GSK3B: variants seen among roughly 807,000 people sequenced by gnomAD.
GSK3B encodes the protein glycogen synthase kinase 3 beta.
A neutral mutation model predicts 56.4 loss-of-function variants in GSK3B; 15 were observed. That is an observed-to-expected ratio of 0.27 (90% CI 0.18 to 0.41). The LOEUF (loss-of-function observed/expected upper bound fraction) is 0.41. GSK3B is among the 10% of genes least tolerant of loss of function. The pLI, the probability that GSK3B is intolerant of heterozygous loss-of-function variation, is 1.00. For missense variants in GSK3B, 300 were observed against 513.4 expected (o/e 0.58, Z 4.02); for synonymous variants, 181 against 188.9 (o/e 0.96, Z 0.34).
intron 1 of GSK3B, among the ~76,000 whole-genome samples, chr3:120,040,278 G>C (rs547484361): frequency 6.6e-6 from 1 of 152,208 alleles, no homozygotes; most frequent in African/African-American, 2.4e-5. Flanking sequence ...CGGCAGTTCC[G>C]TGGTCACCTC....
intron 3 of GSK3B, among the ~76,000 whole-genome samples, chr3:119,933,838 C>G (rs1442577026): frequency 6.6e-6 from 1 of 152,186 alleles, no homozygotes; most frequent in Non-Finnish European, 1.5e-5. Flanking sequence ...GATCAAGCCA[C>G]TGCACTCCAG....
intron 1 of GSK3B, among the ~76,000 whole-genome samples, chr3:120,021,872 G>A (rs1342817202): frequency 2.0e-5 from 3 of 152,138 alleles, no homozygotes. Flanking sequence ...GGTTTGAGAG[G>A]ACTGATTCCA....
chr3:119,840,203 A>G (rs552482815), intron 10 of GSK3B, among the ~76,000 whole-genome samples: 24 of 149,788 alleles, frequency 1.6e-4, no homozygotes, highest in African/African-American at 5.1e-4. Flanking sequence ...CTTTTTAAAA[A>G]AAACATGTCT....
At chr3:119,894,900 G>A (rs1327328860) in intron 7 of GSK3B, among the ~76,000 whole-genome samples, 1 of 152,008 alleles carries the variant, frequency 6.6e-6, no homozygotes, top group East Asian at 1.9e-4. Flanking sequence ...GATTCATTCT[G>A]AATTCATTTG....
At chr3:120,057,485 C>T (rs1265673878) in intron 1 of GSK3B, among the ~76,000 whole-genome samples, 2 of 152,056 alleles carry the variant, frequency 1.3e-5, no homozygotes, top group Non-Finnish European at 2.9e-5. Context: ...AAAAGTAAAA[C>T]TGGAAATAAT....
In GSK3B at chr3:119,824,367, A is replaced by G. The variant is rs1467129226; in HGVS notation, c.*2421T>C. ...CACACACACACGCACACATGCACAC[A>G]CAATGAAATGAGAGAAAAGCGTGAC... On this transcript the variant is annotated 3_prime_UTR_variant, in exon 11 of 11. Transcript: ENST00000264235. The G allele has an allele frequency of 9.0e-6, 2 of 223,128 alleles. No homozygotes were observed. The highest frequency in any genetic ancestry group is 1.8e-5 in the Non-Finnish European group (2 of 111,630). The allele number at this position is 223,128 out of a possible 1,614,324, so 13.8% of individuals were successfully genotyped here.
rs35889690 is a variant in GSK3B, at chr3:119,827,869, C to CAA, written c.1196-1016_1196-1015dup. Among the ~76,000 whole-genome samples, 216 of 141,770 alleles carry CAA rather than the reference C, an allele frequency of 1.5e-3. 2 individuals are homozygous for CAA. Among genetic ancestry groups the CAA allele is most frequent in the African/African-American group, 3.9e-3 (155 of 39,806 alleles). 93.0% of individuals were successfully genotyped at this position (141,770 alleles called of 152,430 possible). A position where few individuals can be genotyped will look rare whatever the true frequency, so the allele number is the denominator to read the frequency against. On this transcript the variant is annotated intron_variant, in intron 10 of 10. Transcript: ENST00000264235. ...GGGAAGTGGGGATGGTTAATGGGTACAAAAAAAAAAATGTATAAGACCTAG... is the reference window on the plus strand; with the variant it reads ...GGGAAGTGGGGATGGTTAATGGGTACAAAAAAAAAAAAATGTATAAGACCTAG...
chr3:120,063,031 C>T (rs1017455850), intron 1 of GSK3B, among the ~76,000 whole-genome samples: 14 of 152,134 alleles, frequency 9.2e-5, no homozygotes, highest in African/African-American at 3.1e-4. Context: ...ATTCAGGACT[C>T]TTTTCTCATT....
chr3:120,068,585 A>G (rs931291984), intron 1 of GSK3B, among the ~76,000 whole-genome samples: 1 of 150,128 alleles, frequency 6.7e-6, no homozygotes, highest in African/African-American at 2.5e-5. Flanking sequence ...CTGTAATCCC[A>G]GCTACTCGGG....
At chr3:119,966,972 TATAA>T (rs1314818285) in intron 2 of GSK3B, among the ~76,000 whole-genome samples, 3 of 152,196 alleles carry the variant, frequency 2.0e-5, no homozygotes. Context: ...CATAGAAAGA[TATAA>T]ATAAAGACAA....
chr3:119,908,523 T>G (rs1576191272), intron 6 of GSK3B, among the ~76,000 whole-genome samples: 2 of 152,170 alleles, frequency 1.3e-5, no homozygotes, highest in Admixed American at 1.3e-4. Flanking sequence ...AATCTCCACT[T>G]TACTTCAAGT....
intron 3 of GSK3B, among the ~76,000 whole-genome samples, chr3:119,941,391 AGCACACT>A (rs2057047737): frequency 6.6e-6 from 1 of 152,166 alleles, no homozygotes; most frequent in South Asian, 2.1e-4. Context: ...TTCTATTTCT[AGCACACT>A]GCTTCTGGAG....
intron 1 of GSK3B, among the ~76,000 whole-genome samples, chr3:120,092,082 C>A (rs1160301580): frequency 6.6e-6 from 1 of 152,088 alleles, no homozygotes; most frequent in South Asian, 2.1e-4. Flanking sequence ...CCTCATGATG[C>A]CCCTCTTTCC....
intron 1 of GSK3B, among the ~76,000 whole-genome samples, chr3:120,038,535 T>C (rs1347614689): frequency 3.3e-5 from 5 of 152,140 alleles, no homozygotes; most frequent in Non-Finnish European, 7.4e-5. Context: ...CAAAAAAACA[T>C]GTGCATCATT....
chr3:120,051,931 T>A (rs2058153786), intron 1 of GSK3B, among the ~76,000 whole-genome samples: 1 of 152,226 alleles, frequency 6.6e-6, no homozygotes, highest in South Asian at 2.1e-4. Context: ...TCAACAAAAG[T>A]AAAAACTGTT....
At chr3:120,014,218 C>T (rs1373911305) in intron 1 of GSK3B, among the ~76,000 whole-genome samples, 1 of 150,868 alleles carries the variant, frequency 6.6e-6, no homozygotes, top group Non-Finnish European at 1.5e-5. Flanking sequence ...CATCTGCAAT[C>T]CCAGCACTTT....
At chr3:120,079,498 G>A (rs1046886904) in intron 1 of GSK3B, among the ~76,000 whole-genome samples, 5 of 151,944 alleles carry the variant, frequency 3.3e-5, no homozygotes, top group Admixed American at 3.3e-4. Flanking sequence ...AGGTCCAAAC[G>A]ATTCTCCTGC....
intron 7 of GSK3B, among the ~76,000 whole-genome samples, chr3:119,878,037 C>G (rs1415629534): frequency 6.6e-6 from 1 of 152,124 alleles, no homozygotes; most frequent in Non-Finnish European, 1.5e-5. Context: ...AATAATCAGG[C>G]ATAATTCTGT....
At chr3:119,955,270 T>A (rs916177697) in intron 2 of GSK3B, among the ~76,000 whole-genome samples, 32 of 151,444 alleles carry the variant, frequency 2.1e-4, no homozygotes, top group Non-Finnish European at 3.2e-4. Flanking sequence ...CTTAACCCCA[T>A]TTGCACAAGT....
Sources: allele counts gnomAD v4.1 joint callset (sites outside exome capture counted in the v4.1 genomes callset), GRCh38; gene constraint gnomAD v4.1.1; transcripts MANE v1.5; gene names NCBI Gene and HGNC (gene_info 2026-07-23, HGNC 2026-07-21).